Variants in VAV2 observed in about 807,000 individuals in gnomAD.
VAV2 encodes vav guanine nucleotide exchange factor 2.
Under a neutral mutation model 132.5 loss-of-function variants are expected in VAV2, and 67 were observed. The observed-to-expected ratio is 0.51, with a 90% CI of 0.42 to 0.62. VAV2 has a LOEUF of 0.62. VAV2 is among the 20% of genes least tolerant of loss of function. VAV2 has a pLI of 0.00. For missense variants in VAV2, 938 were observed against 1,153.6 expected (o/e 0.81, Z 2.71); for synonymous variants, 492 against 443.5 (o/e 1.11, Z -1.37).
At chr9:133,810,292 G>A (rs1215400775) in intron 5 of VAV2, 87 bp from the exon 6 acceptor site, 12 of 1,589,418 alleles carry the variant, frequency 7.5e-6, no homozygotes, top group East Asian at 2.3e-5. Flanking sequence ...CATCAGGAAC[G>A]CCACCCCACA....
At chr9:133,921,360 A>G (rs537252750) in intron 2 of VAV2, among the ~76,000 whole-genome samples, 2 of 152,232 alleles carry the variant, frequency 1.3e-5, no homozygotes, top group Non-Finnish European at 2.9e-5. Flanking sequence ...TCCACAGGCC[A>G]GGTATGGTGG....
intron 2 of VAV2, among the ~76,000 whole-genome samples, chr9:133,875,317 T>G (rs947047607): frequency 6.6e-6 from 1 of 152,152 alleles, no homozygotes; most frequent in Non-Finnish European, 1.5e-5. Flanking sequence ...CAGAGCCAAC[T>G]GCCCCCACCA....
rs151011427 is a variant in VAV2, at chr9:133,964,799, C to G, written c.205-25580G>C. On this transcript the variant is annotated intron_variant, in intron 1 of 29. Transcript: ENST00000371850. ...TTTTGGGATAAAAACCCTCAAAAAT[C>G]TAGGTACAGAAGGAGCACTCCTCTA... 3.6e-3 allele frequency among the ~76,000 whole-genome samples: 542 copies of G among 152,222 alleles called. 6 individuals are homozygous for G. Among genetic ancestry groups the G allele is most frequent in the African/African-American group, 0.012 (508 of 41,536 alleles).
At chr9:133,892,813 C>T (rs1359867845) in intron 2 of VAV2, among the ~76,000 whole-genome samples, 2 of 152,154 alleles carry the variant, frequency 1.3e-5, no homozygotes, top group African/African-American at 2.4e-5. Flanking sequence ...CCATTGCAGA[C>T]GAGAAAAGCG....
chr9:133,782,104 GGCGGGGC>G (rs1564340102), intron 19 of VAV2, among the ~76,000 whole-genome samples: 4 of 138,554 alleles, frequency 2.9e-5, no homozygotes, highest in African/African-American at 8.1e-5. Context: ...ATCCGGCGGG[GGCGGGGC>G]GGGGGAGGAA....
intron 1 of VAV2, among the ~76,000 whole-genome samples, chr9:133,978,009 C>T (rs974053554): frequency 2.9e-5 from 4 of 138,590 alleles, no homozygotes; most frequent in Admixed American, 7.0e-5. Flanking sequence ...AGCTCCCACG[C>T]CCCCTGCCTC....
rs1390817947 is a variant in VAV2 at position 133,991,570 on chromosome 9, T to C, written c.204+505A>G. 1.3e-5 allele frequency among the ~76,000 whole-genome samples: 2 copies of C among 151,066 alleles called. No individual in the cohort carries two copies. The highest frequency in any genetic ancestry group is 3.0e-5 in the Non-Finnish European group (2 of 67,722). On this transcript the variant is annotated intron_variant, in intron 1 of 29. Transcript: ENST00000371850. The surrounding 1 kb of genome is among the most constrained non-coding windows in gnomAD (Gnocchi z 4.8). ...GGGCGGTGCCCGGGGCCAACCCAGC[T>C]CCCTCCGGCCCCGAGGGCTCCCGCC...
At chr9:133,806,749 C>T (rs1835163417) in intron 8 of VAV2, among the ~76,000 whole-genome samples, 1 of 152,240 alleles carries the variant, frequency 6.6e-6, no homozygotes, top group South Asian at 2.1e-4. Flanking sequence ...CTGCTGGCAC[C>T]TGTGGCCGCC....
Position 133,766,621 on chromosome 9 carries a change from G to C in VAV2, c.2589+1821C>G, listed in dbSNP as rs532836303. Among the ~76,000 whole-genome samples, 42 of 151,910 alleles carry C rather than the reference G, an allele frequency of 2.8e-4. No individual in the cohort carries two copies. The East Asian group carries it at 7.7e-3, about 28-fold the overall frequency. ...GGGAACATCACACTGGAGGGGGAGGGGGAGGGATAGCATTAGGAGACATAC... is the reference window on the plus strand; with the variant it reads ...GGGAACATCACACTGGAGGGGGAGGCGGAGGGATAGCATTAGGAGACATAC... On this transcript the variant is annotated intron_variant, in intron 29 of 29. Coordinates refer to ENST00000371850, the MANE Select transcript of VAV2 (RefSeq NM_001134398.2).
chr9:133,873,827 G>T (rs1426113562), intron 2 of VAV2, among the ~76,000 whole-genome samples: 7 of 152,230 alleles, frequency 4.6e-5, no homozygotes, highest in African/African-American at 1.4e-4. Context: ...CTGGGAAGAT[G>T]CAAGAGCTTC....
rs1835912189 is a variant in VAV2 at position 133,824,565 on chromosome 9, C to G, written c.449+9707G>C. Among the ~76,000 whole-genome samples, 1 of 152,188 alleles carries G rather than the reference C, an allele frequency of 6.6e-6. No homozygotes were observed. The highest frequency in any genetic ancestry group is 6.5e-5 in the Admixed American group (1 of 15,290). ...GCACTCTTCAAAATGAACACCTCCTCCAGGAAGGCTTCCTGCCCTCCTGGC... is the reference window on the plus strand; with the variant it reads ...GCACTCTTCAAAATGAACACCTCCTGCAGGAAGGCTTCCTGCCCTCCTGGC... On this transcript the variant is annotated intron_variant, in intron 4 of 29. Transcript: ENST00000371850. The surrounding 1 kb of genome is among the most constrained non-coding windows in gnomAD (Gnocchi z 5.2).
rs1043040993 is a variant in VAV2, at chr9:133,834,997, A to G, written c.381-657T>C. On this transcript the variant is annotated intron_variant, in intron 3 of 29. Coordinates refer to ENST00000371850, the MANE Select transcript of VAV2 (RefSeq NM_001134398.2). This position sits in a 1 kb window ranked among gnomAD's most constrained non-coding sequence, Gnocchi z 5.9. ...AAGGAACGCGGCGGTGCTCCCCCAC[A>G]CTCCGCCCTCCAGATGCCCCAACCC... Among the ~76,000 whole-genome samples, 1 of 151,630 alleles carries G rather than the reference A, an allele frequency of 6.6e-6. No homozygotes were observed. The highest frequency in any genetic ancestry group is 1.5e-5 in the Non-Finnish European group (1 of 67,908).
At chr9:133,846,577 C>T (rs1415519172) in intron 3 of VAV2, among the ~76,000 whole-genome samples, 4 of 115,778 alleles carry the variant, frequency 3.5e-5, no homozygotes, top group East Asian at 2.6e-4. Flanking sequence ...TGGCCCCGGC[C>T]GCTCTCTATC....
At chr9:133,880,625 G>A (rs1838453188) in intron 2 of VAV2, among the ~76,000 whole-genome samples, 1 of 152,214 alleles carries the variant, frequency 6.6e-6, no homozygotes, top group African/African-American at 2.4e-5. Flanking sequence ...TCTTGGGACA[G>A]AGGACATAAA....
chr9:133,854,228 C>T (rs1837301079), intron 3 of VAV2, among the ~76,000 whole-genome samples: 1 of 151,524 alleles, frequency 6.6e-6, no homozygotes, highest in Non-Finnish European at 1.5e-5. Context: ...CACCCATGTG[C>T]ACCTGCACAC....
intron 26 of VAV2, 97 bp from the exon 27 acceptor site, chr9:133,770,598 G>A (rs1427952402): frequency 6.5e-7 from 1 of 1,544,760 alleles, no homozygotes; most frequent in African/African-American, 1.4e-5. Flanking sequence ...GTTCATGTGG[G>A]GGAGACTAGC....
At position 133,824,673 on chromosome 9, in the gene VAV2, C is replaced by T. The variant is rs1260813812; in HGVS notation, c.449+9599G>A. Among the ~76,000 whole-genome samples the T allele has an allele frequency of 1.3e-5, 2 of 152,022 alleles. No homozygotes were observed. The highest frequency in any genetic ancestry group is 2.4e-5 in the African/African-American group (1 of 41,398). On this transcript the variant is annotated intron_variant, in intron 4 of 29. Coordinates refer to ENST00000371850, the MANE Select transcript of VAV2 (RefSeq NM_001134398.2). The surrounding 1 kb of genome is among the most constrained non-coding windows in gnomAD (Gnocchi z 5.2). ...AACCTCGAGTGAGAAGTGCAGGGGC[C>T]CACAACGGGGTCCCAGGTCCCAGGT...
intron 1 of VAV2, among the ~76,000 whole-genome samples, chr9:133,949,694 G>A (rs908975135): frequency 1.3e-5 from 2 of 152,182 alleles, no homozygotes; most frequent in South Asian, 2.1e-4. Flanking sequence ...ACAGGGCCCC[G>A]GAGGCATGGA....
At chr9:133,790,805 CTT>C (rs1312750955) in intron 13 of VAV2, among the ~76,000 whole-genome samples, 4 of 152,098 alleles carry the variant, frequency 2.6e-5, no homozygotes, top group African/African-American at 9.7e-5. Context: ...AGGGCATTCT[CTT>C]TGTGCTGCTG....
Sources: allele counts gnomAD v4.1 joint callset (sites outside exome capture counted in the v4.1 genomes callset), GRCh38; gene constraint gnomAD v4.1.1; non-coding constraint Gnocchi (gnomAD v3.1); transcripts MANE v1.5; gene names NCBI Gene and HGNC (gene_info 2026-07-23, HGNC 2026-07-21).